STK3: variants seen among roughly 807,000 people sequenced by gnomAD.
STK3 encodes the protein serine/threonine-protein kinase 3.
Under a neutral mutation model 58.0 loss-of-function variants are expected in STK3, and 41 were observed. The observed-to-expected ratio is 0.71, with a 90% confidence interval of 0.55 to 0.92. The LOEUF is 0.92. Ranked by LOEUF, STK3 falls within the 40% of genes least tolerant of loss-of-function variation. The probability of loss-of-function intolerance (pLI) is 0.00; values close to 1 mark genes in which losing one functional copy is unlikely to be tolerated. For synonymous variants in STK3, 170 were observed against 191.0 expected (o/e 0.89, Z 0.91); for missense variants, 479 against 602.7 (o/e 0.79, Z 2.15).
At chr8:98,496,719 A>G (rs2131343610) in intron 10 of STK3, among the ~76,000 whole-genome samples, 1 of 152,300 alleles carries the variant, frequency 6.6e-6, no homozygotes, top group Admixed American at 6.5e-5. Context: ...AACCAGTCAC[A>G]AAAGATAATA....
In STK3 at chr8:98,919,372, A is replaced by G. The variant is rs566434579; in HGVS notation, c.-79+23006T>C. On this transcript the variant is annotated intron_variant, in intron 1 of 1. Transcript: ENST00000519420. ...AGCCAGCTCTCATGTTAGGAAACTAAGAGTAGAGTTCAGAGATAGGACACA... is the reference window on the plus strand; with the variant it reads ...AGCCAGCTCTCATGTTAGGAAACTAGGAGTAGAGTTCAGAGATAGGACACA... 3.3e-5 allele frequency among the ~76,000 whole-genome samples: 5 copies of G among 152,358 alleles called. No individual in the cohort carries two copies. In the South Asian group the frequency reaches 1.0e-3, roughly 32 times the overall value.
chr8:98,913,312 A>C (rs918610618), intron 1 of STK3, among the ~76,000 whole-genome samples: 2 of 152,246 alleles, frequency 1.3e-5, no homozygotes, highest in African/African-American at 4.8e-5. Context: ...GTCTAACAGA[A>C]TTCTCTCTCC....
rs151090585 is a variant in STK3, at chr8:98,517,799, T to A, written c.1317+8943A>T. 7.8e-4 allele frequency among the ~76,000 whole-genome samples: 119 copies of A among 152,182 alleles called. 1 individual carries two copies. In the East Asian group the frequency reaches 0.021, roughly 27 times the overall value. ...AGTCTTAAATTAGAAGATCATAAATTACATTGTCCACTCTTTGATCCTAAA... is the reference window on the plus strand; with the variant it reads ...AGTCTTAAATTAGAAGATCATAAATAACATTGTCCACTCTTTGATCCTAAA... On this transcript the variant is annotated intron_variant, in intron 10 of 10. Coordinates refer to ENST00000419617, the MANE Select transcript of STK3 (RefSeq NM_006281.4).
chr8:98,741,973 A>C (rs1829252422), intron 4 of STK3, among the ~76,000 whole-genome samples: 1 of 152,206 alleles, frequency 6.6e-6, no homozygotes, highest in Non-Finnish European at 1.5e-5. Flanking sequence ...ATAAACTAGA[A>C]AATCTAGAAG....
intron 2 of STK3, among the ~76,000 whole-genome samples, chr8:98,770,831 A>C (rs1831275532): frequency 6.6e-6 from 1 of 152,200 alleles, no homozygotes; most frequent in Non-Finnish European, 1.5e-5. Context: ...ACCTGAGACA[A>C]AGTGGGAACA....
chr8:98,662,653 T>C (rs1216728886), intron 6 of STK3, among the ~76,000 whole-genome samples: 1 of 152,142 alleles, frequency 6.6e-6, no homozygotes, highest in Non-Finnish European at 1.5e-5. Flanking sequence ...AAATGTATAA[T>C]GTGCTATATG....
intron 7 of STK3, among the ~76,000 whole-genome samples, chr8:98,586,777 C>T (rs1814648141): frequency 6.6e-6 from 1 of 152,038 alleles, no homozygotes; most frequent in South Asian, 2.1e-4. Context: ...ATTTCAGATC[C>T]TGTTATTGGT....
At chr8:98,519,051 A>G (rs900165883) in intron 10 of STK3, among the ~76,000 whole-genome samples, 2 of 152,140 alleles carry the variant, frequency 1.3e-5, no homozygotes, top group African/African-American at 4.8e-5. Context: ...ACATCTGGAA[A>G]TACTTGACAA....
chr8:98,696,669 G>A (rs1313572761), intron 6 of STK3, among the ~76,000 whole-genome samples: 2 of 152,130 alleles, frequency 1.3e-5, no homozygotes, highest in East Asian at 1.9e-4. Context: ...TTATTGATTT[G>A]CATATATTGA....
intron 10 of STK3, among the ~76,000 whole-genome samples, chr8:98,465,453 T>C (rs1485050048): frequency 6.6e-6 from 1 of 152,208 alleles, no homozygotes; most frequent in East Asian, 1.9e-4. Flanking sequence ...CCTGTCAGAT[T>C]GTACCTGGTG....
At chr8:98,362,595 AG>A in the STK3 span, among the ~76,000 whole-genome samples, 2 of 152,200 alleles carry the variant, frequency 1.3e-5, no homozygotes, top group Non-Finnish European at 2.9e-5. Context: ...CTGATTCCCG[AG>A]GTGGATTGCC....
chr8:98,460,218 G>T (rs1241329554), intron 10 of STK3, among the ~76,000 whole-genome samples: 1 of 152,230 alleles, frequency 6.6e-6, no homozygotes, highest in Non-Finnish European at 1.5e-5. Context: ...TGGAGTCAAA[G>T]GAGATCATTT....
intron 1 of STK3, among the ~76,000 whole-genome samples, chr8:98,935,165 G>T (rs577145611): frequency 6.6e-6 from 1 of 151,986 alleles, no homozygotes; most frequent in African/African-American, 2.4e-5. Flanking sequence ...CTCCTTAGAG[G>T]TGGGGGTGGG....
intron 6 of STK3, among the ~76,000 whole-genome samples, chr8:98,691,907 G>A (rs1206615327): frequency 6.7e-6 from 1 of 149,768 alleles, no homozygotes; most frequent in Non-Finnish European, 1.5e-5. Context: ...ACTCTAGCCT[G>A]GGTGACAGAG....
intron 7 of STK3, among the ~76,000 whole-genome samples, chr8:98,582,764 AAG>A (rs1814032656): frequency 6.6e-6 from 1 of 152,176 alleles, no homozygotes. Context: ...ATTTAACAAA[AAG>A]ATGTAATTTG....
chr8:98,445,622 T>C (rs1030406394), intron 1 of STK3, among the ~76,000 whole-genome samples: 1 of 152,178 alleles, frequency 6.6e-6, no homozygotes, highest in Admixed American at 6.5e-5. Flanking sequence ...ATTGCCTTAA[T>C]TAAAAATGGA....
chr8:98,923,034 T>C lies in STK3; in HGVS notation c.-79+19344A>G, dbSNP rs369069110. Reference sequence around the variant, plus strand: ...GCTGACCTCATTTCATGTAGAGCACTAGGGTATACACCATCCATGGGGTTT... The same window carrying C: ...GCTGACCTCATTTCATGTAGAGCACCAGGGTATACACCATCCATGGGGTTT... On this transcript the variant is annotated intron_variant, in intron 1 of 1. Transcript: ENST00000519420. Among the ~76,000 whole-genome samples the C allele has an allele frequency of 1.8e-4, 28 of 152,338 alleles. No homozygotes were observed. In the East Asian group the frequency reaches 4.8e-3, roughly 26 times the overall value.
rs1311293434 is a variant in STK3 at position 98,825,582 on chromosome 8, G to C, written c.-42C>G. On this transcript the variant is annotated 5_prime_UTR_variant, in exon 1 of 11. Coordinates refer to ENST00000419617, the MANE Select transcript of STK3 (RefSeq NM_006281.4). ...GAGAGGGACCTGGTGGACGGCGAAG[G>C]CCGAAAGGAGGAAAGGAGCCGGGGC... 1.4e-6 allele frequency: 2 copies of C among 1,427,018 alleles called. No individual in the cohort carries two copies. The highest frequency in any genetic ancestry group is 1.8e-6 in the Non-Finnish European group (2 of 1,084,106). 88.4% of individuals were successfully genotyped at this position (1,427,018 alleles called of 1,614,324 possible).
chr8:98,362,864 A>G, the STK3 span, among the ~76,000 whole-genome samples: 1 of 152,216 alleles, frequency 6.6e-6, no homozygotes, highest in Non-Finnish European at 1.5e-5. Flanking sequence ...CACCTCAGCA[A>G]CCCAGAAGGA....
Sources: allele counts gnomAD v4.1 joint callset (sites outside exome capture counted in the v4.1 genomes callset), GRCh38; gene constraint gnomAD v4.1.1; transcripts MANE v1.5; gene names NCBI Gene and HGNC (gene_info 2026-07-23, HGNC 2026-07-21).